The following SLIRP variants were observed in gnomAD, a reference collection of about 807,000 sequenced individuals.
The protein encoded by SLIRP is SRA stem-loop-interacting RNA-binding protein, mitochondrial.
In SLIRP, 12 loss-of-function variants were observed where a neutral mutation model predicts 13.4. The ratio of observed to expected loss-of-function variants is 0.89; its 90% CI spans 0.57 to 1.45. The LOEUF is 1.45. Among genes scored for constraint, SLIRP ranks in the 40% most tolerant of loss-of-function variants. The probability of loss-of-function intolerance (pLI) is 0.00; values close to 1 mark genes in which losing one functional copy is unlikely to be tolerated. For missense variants in SLIRP, 154 were observed against 132.2 expected, an observed-to-expected ratio of 1.17 and a Z score of -0.81; for synonymous variants, 55 against 47.1, an observed-to-expected ratio of 1.17 and a Z score of -0.69.
intron 2 of SLIRP, chr14:77,711,776 G>A (rs1052972263): frequency 2.0e-5 from 3 of 152,236 alleles, no homozygotes; most frequent in Non-Finnish European, 4.4e-5. Context: ...TGCTGGTCTC[G>A]TCGAACTCCT....
At chr14:77,716,853 C>CT (rs2080487862) in intron 3 of SLIRP, among the ~76,000 whole-genome samples, 1 of 151,990 alleles carries the variant, frequency 6.6e-6, no homozygotes, top group Non-Finnish European at 1.5e-5. Flanking sequence ...CCTCCGCCTC[C>CT]TGGGTTCAAG....
chr14:77,710,595 C>T (rs754984721), intron 1 of SLIRP: 6 of 1,496,080 alleles, frequency 4.0e-6, no homozygotes, highest in South Asian at 2.4e-5. Context: ...TATGAAAACA[C>T]TCGATATTTG....
At chr14:77,714,187 T>C (rs2080459619) in intron 2 of SLIRP, among the ~76,000 whole-genome samples, 1 of 152,084 alleles carries the variant, frequency 6.6e-6, no homozygotes, top group Non-Finnish European at 1.5e-5. Context: ...TTGTACTCTT[T>C]GTAGAAATGG....
chr14:77,713,407 G>A (rs1317046598), intron 2 of SLIRP, among the ~76,000 whole-genome samples: 1 of 152,048 alleles, frequency 6.6e-6, no homozygotes, highest in African/African-American at 2.4e-5. Flanking sequence ...CAACATAAAG[G>A]AACTTAAATT....
intron 1 of SLIRP, among the ~76,000 whole-genome samples, chr14:77,709,074 G>GT (rs1051567311): frequency 6.6e-6 from 1 of 152,182 alleles, no homozygotes; most frequent in African/African-American, 2.4e-5. Context: ...TAGATACAGT[G>GT]TAAGTACTCA....
chr14:77,715,247 C>T, intron 2 of SLIRP, among the ~76,000 whole-genome samples: 1 of 152,058 alleles, frequency 6.6e-6, no homozygotes, highest in South Asian at 2.1e-4. Context: ...CGTATCTTCT[C>T]TAATGGCAGC....
chr14:77,712,949 TA>T (rs2080452208), intron 2 of SLIRP, among the ~76,000 whole-genome samples: 1 of 151,792 alleles, frequency 6.6e-6, no homozygotes, highest in African/African-American at 2.4e-5. Flanking sequence ...ATACAGAACA[TA>T]ATCACAGGAG....
At position 77,708,125 on chromosome 14, in the gene SLIRP, C is replaced by T. The variant is rs769820267; in HGVS notation, c.14C>T (p.Ala5Val). 1 of 1,614,124 alleles carries T rather than the reference C, an allele frequency of 6.2e-7. No individual in the cohort carries two copies. Among genetic ancestry groups the T allele is most frequent in the Non-Finnish European group, 8.5e-7 (1 of 1,180,022 alleles). ...TTTAGTCTGAAGATGGCGGCCTCAG[C>T]AGCGAGAGGTGCTGCGGCGCTGCGT... MAAS[A>V]ARGAAALRRS... The change falls in exon 1 of 4, where the codon GCA becomes GTA. Residue 5 changes from alanine to valine, a missense_variant. Transcript: ENST00000557342.
At chr14:77,710,622 C>A (rs2080432465) in intron 1 of SLIRP, 1 of 1,516,096 alleles carries the variant, frequency 6.6e-7, no homozygotes, top group East Asian at 2.5e-5. Flanking sequence ...ATGGAGACTG[C>A]AGCCAACTCA....
At chr14:77,714,234 C>T (rs766495667) in intron 2 of SLIRP, among the ~76,000 whole-genome samples, 10 of 151,758 alleles carry the variant, frequency 6.6e-5, no homozygotes, top group Non-Finnish European at 1.2e-4. Context: ...CTCGAGCTCC[C>T]GCACTCAAGC....
intron 2 of SLIRP, among the ~76,000 whole-genome samples, chr14:77,712,383 C>T (rs1427478524): frequency 6.6e-6 from 1 of 151,466 alleles, no homozygotes; most frequent in African/African-American, 2.4e-5. Context: ...AAGCCATTCT[C>T]CTGCCTCAGC....
chr14:77,708,980 C>T (rs1306578968), intron 1 of SLIRP, among the ~76,000 whole-genome samples: 3 of 152,140 alleles, frequency 2.0e-5, no homozygotes, highest in South Asian at 2.1e-4. Flanking sequence ...TCAGTTTACT[C>T]ATCGATAAAA....
At chr14:77,714,393 T>A (rs176952) in intron 2 of SLIRP, among the ~76,000 whole-genome samples, 2 of 152,080 alleles carry the variant, frequency 1.3e-5, no homozygotes, top group African/African-American at 4.8e-5. Context: ...CGCTGCCTCC[T>A]GGGTTCAAGT....
At chr14:77,717,471 C>T (rs768921464) in intron 3 of SLIRP, 25 bp from the exon 4 acceptor site, 29 of 1,606,768 alleles carry the variant, frequency 1.8e-5, no homozygotes, top group Non-Finnish European at 2.3e-5. Context: ...TGCCTTTCCT[C>T]CCTTACAGTG....
At chr14:77,714,992 G>A (rs1306234788) in intron 2 of SLIRP, among the ~76,000 whole-genome samples, 5 of 152,198 alleles carry the variant, frequency 3.3e-5, no homozygotes, top group African/African-American at 1.2e-4. Flanking sequence ...AAATTAACCA[G>A]AAGTCTGTAA....
intron 2 of SLIRP, among the ~76,000 whole-genome samples, chr14:77,714,455 C>T (rs2080461480): frequency 6.6e-6 from 1 of 152,196 alleles, no homozygotes. Context: ...CATGGGCCAC[C>T]ACACCCAGCT....
At chr14:77,714,738 C>G (rs1374558969) in intron 2 of SLIRP, among the ~76,000 whole-genome samples, 1 of 152,182 alleles carries the variant, frequency 6.6e-6, no homozygotes, top group Non-Finnish European at 1.5e-5. Flanking sequence ...TAGGTTAATC[C>G]TTATAAAGTT....
intron 2 of SLIRP, 49 bp downstream of exon 2, chr14:77,710,945 C>A: frequency 2.7e-6 from 4 of 1,490,920 alleles, no homozygotes; most frequent in Admixed American, 1.7e-5. Context: ...CTAATGGGTA[C>A]AAAAAAAATA....
intron 3 of SLIRP, among the ~76,000 whole-genome samples, chr14:77,716,642 C>CAAA (rs56736320): frequency 1.4e-4 from 11 of 80,948 alleles, no homozygotes; most frequent in South Asian, 5.0e-4. Context: ...AACTCCATCT[C>CAAA]AAAAAAAAAA....
Sources: gnomAD v4.1 joint callset for allele counts (sites outside exome capture counted in the v4.1 genomes callset) on GRCh38, gnomAD v4.1.1 for gene constraint, MANE v1.5 for transcripts, NCBI Gene and HGNC (gene_info 2026-07-23, HGNC 2026-07-21) for gene names.